ADAM33: variants seen among roughly 807,000 people sequenced by gnomAD.
ADAM33 encodes ADAM metallopeptidase domain 33, also known as disintegrin and metalloproteinase domain-containing protein 33.
Under a neutral mutation model 106.2 loss-of-function variants are expected in ADAM33, and 103 were observed. The ratio of observed to expected loss-of-function variants is 0.97; its 90% CI spans 0.83 to 1.14. The LOEUF (loss-of-function observed/expected upper bound fraction) is 1.14. Among genes scored for constraint, ADAM33 ranks in the 50% most tolerant of loss-of-function variants. The pLI is 0.00. For missense variants in ADAM33, 1,120 were observed against 1,096.6 expected, an observed-to-expected ratio of 1.02 and a Z score of -0.30; for synonymous variants, 483 against 453.0, an observed-to-expected ratio of 1.07 and a Z score of -0.84.
At position 3,668,358 on chromosome 20, in the gene ADAM33, G is replaced by C. The variant is rs1600190772; in HGVS notation, c.*605C>G. ...CTGTCCCCCCGACACACACAGAATG[G>C]GGGAGAGGCTGTCAGATTCTGAGCT... On this transcript the variant is annotated 3_prime_UTR_variant, in exon 22 of 22. Coordinates refer to ENST00000356518, the MANE Select transcript of ADAM33 (RefSeq NM_025220.5). 1 of 154,810 alleles carries C rather than the reference G, an allele frequency of 6.5e-6. No homozygotes were observed. The highest frequency in any genetic ancestry group is 6.3e-5 in the Admixed American group (1 of 15,898). The allele number at this position is 154,810 out of a possible 1,614,324, so 9.6% of individuals were successfully genotyped here. A position where few individuals can be genotyped will look rare whatever the true frequency, so the allele number is the denominator to read the frequency against.
Position 3,672,799 on chromosome 20 carries a change from G to C in ADAM33, c.1233C>G (p.Pro411=). Residue 411 remains proline, a synonymous_variant, in exon 12 of 22, where the codon CCC becomes CCG. Transcript: ENST00000356518. The part of the protein sequence containing the change: ...GGACLSNAPD[P]GLPVPPALCG... Reference sequence around the variant, plus strand: ...AGAGCGCCGGCGGCACCGGGAGTCCGGGGTCCGGGGCATTGGAGAGGCAAG... The same window carrying C: ...AGAGCGCCGGCGGCACCGGGAGTCCCGGGTCCGGGGCATTGGAGAGGCAAG... The C allele has an allele frequency of 6.4e-7, 1 of 1,572,142 alleles. No individual in the cohort carries two copies.
At position 3,675,186 on chromosome 20, in the gene ADAM33, A is replaced by C; in HGVS notation, c.255-81T>G. On this transcript the variant is annotated intron_variant, in intron 3 of 21. Coordinates refer to ENST00000356518, the MANE Select transcript of ADAM33 (RefSeq NM_025220.5). The surrounding 1 kb of genome is among the most constrained non-coding windows in gnomAD (Gnocchi z 4.1). Reference sequence around the variant, plus strand: ...GATGTCTCCCAGCCTTCCTCCCTAAATGCTAATGGAGCAGCTTTATGAGTG... The same window carrying C: ...GATGTCTCCCAGCCTTCCTCCCTAACTGCTAATGGAGCAGCTTTATGAGTG... The C allele has an allele frequency of 9.4e-6, 10 of 1,060,264 alleles. No individual in the cohort carries two copies. The highest frequency in any genetic ancestry group is 1.3e-5 in the Non-Finnish European group (9 of 705,834). The allele number at this position is 1,060,264 out of a possible 1,614,324, so 65.7% of individuals were successfully genotyped here.
Position 3,671,582 on chromosome 20 carries a change from A to T in ADAM33, c.1904T>A (p.Met635Lys). The change falls in exon 16 of 22, where the codon ATG (methionine) becomes AAG (lysine). Residue 635 changes from methionine to lysine, a missense_variant and splice_region_variant. Transcript: ENST00000356518. ...VEPGTQCGPR[M>K]VCQSRRCRKN... Reference sequence around the variant, plus strand: ...AGGGGTCGGGTGGGCAGAGCTCACCATTCTAGGTCCACACTGGGTGCCTGG... The same window carrying T: ...AGGGGTCGGGTGGGCAGAGCTCACCTTTCTAGGTCCACACTGGGTGCCTGG... 1.9e-6 allele frequency: 3 copies of T among 1,597,514 alleles called. No homozygotes were observed. Among genetic ancestry groups the T allele is most frequent in the Non-Finnish European group, 2.6e-6 (3 of 1,171,966 alleles).
rs777152881 is a variant in ADAM33, at chr20:3,675,974, G to T, written c.255-869C>A. Among the ~76,000 whole-genome samples, 1 of 151,864 alleles carries T rather than the reference G, an allele frequency of 6.6e-6. No individual in the cohort carries two copies. The highest frequency in any genetic ancestry group is 2.4e-5 in the African/African-American group (1 of 41,318). ...AGGTGATGTGACCACCCCATTGAAA[G>T]GGTAGGGACGTCGGGAAAATATGGT... On this transcript the variant is annotated intron_variant, in intron 3 of 21. Coordinates refer to ENST00000356518, the MANE Select transcript of ADAM33 (RefSeq NM_025220.5). The surrounding 1 kb of genome is among the most constrained non-coding windows in gnomAD (Gnocchi z 4.1).
Position 3,669,529 on chromosome 20 carries a change from C to A in ADAM33, c.2332+17G>T. The A allele has an allele frequency of 6.4e-7, 1 of 1,568,210 alleles. No homozygotes were observed. On this transcript the variant is annotated intron_variant, in intron 20 of 21. Transcript: ENST00000356518. The stretch of plus-strand genomic sequence containing the variant: ...CTTCTCCCTTCCCTCTCCACCTCCC[C>A]CTGGTGCCTCACTCACCCAGGGGCC...
Position 3,681,917 on chromosome 20 carries a change from C to A in ADAM33, c.88G>T (p.Val30Leu). 1 of 1,591,546 alleles carries A rather than the reference C, an allele frequency of 6.3e-7. No homozygotes were observed. The highest frequency in any genetic ancestry group is 1.1e-5 in the South Asian group (1 of 88,194). Residue 30 changes from valine to leucine, a missense_variant, in exon 1 of 22, where the codon GTG (valine) becomes TTG (leucine). Coordinates refer to ENST00000356518, the MANE Select transcript of ADAM33 (RefSeq NM_025220.5). ...LLLWPVPGAGVLQGHIPGQPV... is the reference protein window; with the variant it reads ...LLLWPVPGAGLLQGHIPGQPV... ...CCGCCCGCGTCCTCACCTTGAAGCA[C>A]CCCGGCGCCTGGCACTGGCCAGAGC... is the stretch of plus-strand genomic sequence containing the variant.
chr20:3,678,373 G>C (rs966713609), intron 2 of ADAM33, among the ~76,000 whole-genome samples: 1 of 152,102 alleles, frequency 6.6e-6, no homozygotes, highest in Non-Finnish European at 1.5e-5. Flanking sequence ...CCCCTTTGGG[G>C]CTCTCCTCTT....
rs1247595932 is a variant in ADAM33, at chr20:3,675,869, C to T, written c.255-764G>A. Among the ~76,000 whole-genome samples the T allele has an allele frequency of 6.6e-6, 1 of 152,078 alleles. No individual in the cohort carries two copies. Among genetic ancestry groups the T allele is most frequent in the Non-Finnish European group, 1.5e-5 (1 of 68,018 alleles). ...GACCACCCGCTAATGATGGCTGCTT[C>T]CCCCCTCCCAGGCATTCCACCACCT... On this transcript the variant is annotated intron_variant, in intron 3 of 21. Transcript: ENST00000356518. The surrounding 1 kb of genome is among the most constrained non-coding windows in gnomAD (Gnocchi z 4.1).
In ADAM33 at chr20:3,672,782, G is replaced by A. The variant is rs751065404; in HGVS notation, c.1250C>T (p.Pro417Leu). ...NAPDPGLPVP[P>L]ALCGNGFVEA... ...CACGAAGCCGTTCCCGCAGAGCGCCGGCGGCACCGGGAGTCCGGGGTCCGG... is the reference window on the plus strand; with the variant it reads ...CACGAAGCCGTTCCCGCAGAGCGCCAGCGGCACCGGGAGTCCGGGGTCCGG... The change falls in exon 12 of 22, where the codon CCG (proline) becomes CTG (leucine). Residue 417 changes from proline to leucine, a missense_variant. Physicochemically the swap from Pro to Leu is moderately conservative, Grantham distance 98. Coordinates refer to ENST00000356518, the MANE Select transcript of ADAM33 (RefSeq NM_025220.5). 9.5e-6 allele frequency: 15 copies of A among 1,570,690 alleles called. No homozygotes were observed. Among genetic ancestry groups the A allele is most frequent in the Middle Eastern group, 2.1e-4 (1 of 4,694 alleles).
In ADAM33 at chr20:3,674,501, GA is replaced by G; in HGVS notation, c.600+2del. 6.2e-7 allele frequency: 1 copy of G among 1,612,876 alleles called. No homozygotes were observed. Among genetic ancestry groups the G allele is most frequent in the Non-Finnish European group, 8.5e-7 (1 of 1,179,800 alleles). ...CCACTCCCATCCGATCGATGCCCCTGACCCTGCTCTGGGGACCACCAGGAAG... is the reference window on the plus strand; with the variant it reads ...CCACTCCCATCCGATCGATGCCCCTGCCCTGCTCTGGGGACCACCAGGAAG... On this transcript the variant is annotated splice_donor_variant, in intron 6 of 21. Transcript: ENST00000356518. LOFTEE classifies it high-confidence loss of function.
chr20:3,680,765 G>T (rs2088422212), intron 1 of ADAM33, among the ~76,000 whole-genome samples: 1 of 152,192 alleles, frequency 6.6e-6, no homozygotes, highest in South Asian at 2.1e-4. Context: ...CCGGGCACAG[G>T]TGTGGTGTGG....
In ADAM33 at chr20:3,677,167, T is replaced by A. The variant is rs764268632; in HGVS notation, c.178-24A>T. ...ACCTGGGCAAGAAAATGTGTGGAGC[T>A]GAGATGGTGGCCTCCAGGCCTCCTG... On this transcript the variant is annotated intron_variant, in intron 2 of 21. Transcript: ENST00000356518. 6 of 1,581,212 alleles carry A rather than the reference T, an allele frequency of 3.8e-6. No individual in the cohort carries two copies. In the African/African-American group the frequency reaches 8.2e-5, roughly 22 times the overall value.
At chr20:3,680,863 G>A (rs1338559414) in intron 1 of ADAM33, among the ~76,000 whole-genome samples, 1 of 152,200 alleles carries the variant, frequency 6.6e-6, no homozygotes, top group Non-Finnish European at 1.5e-5. Context: ...GGAGAGAGGG[G>A]CAGAGCTGGA....
intron 11 of ADAM33, 60 bp from the exon 12 acceptor site, chr20:3,672,958 C>T (rs2087652653): frequency 2.0e-6 from 3 of 1,466,322 alleles, no homozygotes; most frequent in Admixed American, 2.5e-5. Context: ...CCGCGCTTCT[C>T]TGATCCCCAC....
rs777744753 is a variant in ADAM33, at chr20:3,681,968, A to G, written c.37T>C (p.Leu13=). The G allele has an allele frequency of 6.4e-7, 1 of 1,552,216 alleles. No homozygotes were observed. Among genetic ancestry groups the G allele is most frequent in the Non-Finnish European group, 8.7e-7 (1 of 1,149,504 alleles). The change falls in exon 1 of 22, where the codon TTG becomes CTG. Residue 13 remains leucine (L), a synonymous_variant. Transcript: ENST00000356518. ...WRPRRARGTP[L]LLLLLLLLLW... is the part of the protein sequence containing the mutation. ...AGCAGCAGTAGTAGCAGCAGCAGCA[A>G]CGGGGTCCCCCGAGCTCTCCGGGGC...
Position 3,675,101 on chromosome 20 carries a change from G to C in ADAM33, c.259C>G (p.Leu87Val). The change falls in exon 4 of 22, where the codon CTG becomes GTG. Residue 87 changes from leucine to valine, a missense_variant. Physicochemically the swap from Leu to Val is conservative, Grantham distance 32. Transcript: ENST00000356518. This position sits in a 1 kb window ranked among gnomAD's most constrained non-coding sequence, Gnocchi z 4.1. Reference sequence around the variant, plus strand: ...GTTTCTATGTATCCTGGGGCCAGCAGCCTGCTGAGAGGGGGTGTTACAGGG... The same window carrying C: ...GTTTCTATGTATCCTGGGGCCAGCACCCTGCTGAGAGGGGGTGTTACAGGG... ...LLLELEKNHR[L>V]LAPGYIETHY... is the part of the protein sequence containing the mutation. 1 of 1,612,092 alleles carries C rather than the reference G, an allele frequency of 6.2e-7. No individual in the cohort carries two copies. The highest frequency in any genetic ancestry group is 8.5e-7 in the Non-Finnish European group (1 of 1,179,046).
chr20:3,674,653 G>C lies in ADAM33; in HGVS notation c.451C>G (p.Arg151Gly). The C allele has an allele frequency of 6.2e-7, 1 of 1,611,614 alleles. No homozygotes were observed. Among genetic ancestry groups the C allele is most frequent in the South Asian group, 1.1e-5 (1 of 90,766 alleles). ...TTGGAGCCCCGGGGTGGCCAGGGAC[G>C]CAGATAATAGCTGGCATTCCTGCTG... ...TLSRNASYYL[R>G]PWPPRGSKDF... Residue 151 changes from arginine (R) to glycine (G), a missense_variant, in exon 6 of 22, where the codon CGT becomes GGT. Physicochemically the swap from Arg to Gly is moderately radical, Grantham distance 125. Coordinates refer to ENST00000356518, the MANE Select transcript of ADAM33 (RefSeq NM_025220.5).
At chr20:3,670,736 G>C in intron 19 of ADAM33, 1 of 442,510 alleles carries the variant, frequency 2.3e-6, no homozygotes, top group Non-Finnish European at 4.0e-6. Flanking sequence ...CAGCTGGTGG[G>C]AGAAGCAGGA....
At position 3,668,798 on chromosome 20, in the gene ADAM33, TC is replaced by T. The variant is rs2146348915; in HGVS notation, c.*164del. ...AGGAACTTCTAATGTGGCTCTGGGT[TC>T]CTGGAGTGGGTGGGTCGAAGCTCCA... is the stretch of plus-strand genomic sequence containing the variant. On this transcript the variant is annotated 3_prime_UTR_variant, in exon 22 of 22. Coordinates refer to ENST00000356518, the MANE Select transcript of ADAM33 (RefSeq NM_025220.5). 1 of 785,272 alleles carries T rather than the reference TC, an allele frequency of 1.3e-6. No individual in the cohort carries two copies. Among genetic ancestry groups the T allele is most frequent in the African/African-American group, 1.7e-5 (1 of 59,218 alleles). The allele number at this position is 785,272 out of a possible 1,614,324, so 48.6% of individuals were successfully genotyped here.
Sources: allele counts gnomAD v4.1 joint callset (sites outside exome capture counted in the v4.1 genomes callset), GRCh38; gene constraint gnomAD v4.1.1; non-coding constraint Gnocchi (gnomAD v3.1); transcripts MANE v1.5; gene names NCBI Gene and HGNC (gene_info 2026-07-23, HGNC 2026-07-21).